The following BAIAP2L1 variants were observed in gnomAD, a reference collection of about 807,000 sequenced individuals.
The protein encoded by BAIAP2L1 is BAR/IMD domain-containing adapter protein 2-like 1.
In BAIAP2L1, 35 loss-of-function variants were observed where a neutral mutation model predicts 66.3. That is an observed-to-expected ratio of 0.53 (90% CI 0.40 to 0.70). The LOEUF (loss-of-function observed/expected upper bound fraction) is 0.70, where lower values mean the gene tolerates loss of function less well. Among genes scored for constraint, BAIAP2L1 ranks in the 30% least tolerant of loss-of-function variants. BAIAP2L1 has a pLI of 0.00. For missense variants in BAIAP2L1, 622 were observed against 656.9 expected (o/e 0.95, Z 0.58); for synonymous variants, 269 against 248.7 (o/e 1.08, Z -0.77).
intron 12 of BAIAP2L1, among the ~76,000 whole-genome samples, chr7:98,302,261 G>A (rs1429947127): frequency 1.3e-5 from 2 of 152,142 alleles, no homozygotes; most frequent in Non-Finnish European, 2.9e-5. Context: ...CGATAAATAC[G>A]CTGACAATGA....
rs192646621 is a variant in BAIAP2L1 at position 98,365,608 on chromosome 7, G to C, written c.52-3176C>G. On this transcript the variant is annotated intron_variant, in intron 1 of 13. Transcript: ENST00000005260. ...GCCCCAACCTCCCAAGTAGCTGCGG[G>C]GGGTGGATCACAGGCATGCGCCACC... 5.8e-3 allele frequency among the ~76,000 whole-genome samples: 885 copies of C among 152,130 alleles called. 10 individuals are homozygous for C. Among genetic ancestry groups the C allele is most frequent in the African/African-American group, 0.02 (840 of 41,508 alleles).
intron 3 of BAIAP2L1, among the ~76,000 whole-genome samples, chr7:98,346,731 G>A (rs1285858133): frequency 6.6e-6 from 1 of 152,166 alleles, no homozygotes; most frequent in African/African-American, 2.4e-5. Context: ...TAACCCAGGC[G>A]ATGTTACAAA....
rs543712613 is a variant in BAIAP2L1, at chr7:98,325,898, G to A, written c.215-5600C>T. Among the ~76,000 whole-genome samples, 4 of 152,306 alleles carry A rather than the reference G, an allele frequency of 2.6e-5. No individual in the cohort carries two copies. In the Middle Eastern group the frequency reaches 0.01, roughly 389 times the overall value. ...CGGAGGCAGATGAGCAACCACAAAC[G>A]TGATCAAATTTGAAAGGCTCGGTCA... On this transcript the variant is annotated intron_variant, in intron 3 of 13. Transcript: ENST00000005260.
chr7:98,311,945 T>C, intron 8 of BAIAP2L1, 152 bp downstream of exon 8: 2 of 735,084 alleles, frequency 2.7e-6, no homozygotes, highest in Non-Finnish European at 4.4e-6. Context: ...CCCAGCTACC[T>C]TCGCCCCTAA....
rs146414832 is a variant in BAIAP2L1 at position 98,373,415 on chromosome 7, G to A, written c.52-10983C>T. The stretch of plus-strand genomic sequence containing the variant: ...TTGGTCTATATTAGCTATTATATTA[G>A]CTATCTTGCATTATGTATTAGTTTG... On this transcript the variant is annotated intron_variant, in intron 1 of 13. Transcript: ENST00000005260. Among the ~76,000 whole-genome samples, 702 of 152,264 alleles carry A rather than the reference G, an allele frequency of 4.6e-3. 11 individuals are homozygous for A. The highest frequency in any genetic ancestry group is 0.016 in the African/African-American group (662 of 41,562).
In BAIAP2L1 at chr7:98,347,154, T is replaced by C. The variant is rs546249618; in HGVS notation, c.214+7888A>G. Among the ~76,000 whole-genome samples, 4 of 127,990 alleles carry C rather than the reference T, an allele frequency of 3.1e-5. No individual in the cohort carries two copies. In the South Asian group the frequency reaches 1.2e-3, roughly 37 times the overall value. 84.0% of individuals were successfully genotyped at this position (127,990 alleles called of 152,430 possible). On this transcript the variant is annotated intron_variant, in intron 3 of 13. Transcript: ENST00000005260. ...GCAATTTGCTAAAGCATAGAAAAGA[T>C]GCTCGCCCTATCCTAAGCCATGAGA... is the stretch of plus-strand genomic sequence containing the variant.
intron 1 of BAIAP2L1, among the ~76,000 whole-genome samples, chr7:98,366,512 T>A (rs1249980490): frequency 1.3e-5 from 2 of 152,220 alleles, no homozygotes; most frequent in African/African-American, 2.4e-5. Flanking sequence ...CACTGAGCAC[T>A]CTCTGTCCAT....
intron 3 of BAIAP2L1, among the ~76,000 whole-genome samples, chr7:98,329,457 C>A (rs1458553652): frequency 1.3e-5 from 2 of 152,162 alleles, no homozygotes; most frequent in Non-Finnish European, 2.9e-5. Flanking sequence ...CCCACACTTT[C>A]ATGAGTTTTA....
At chr7:98,311,992 A>G in intron 8 of BAIAP2L1, 105 bp downstream of exon 8, 1 of 1,181,528 alleles carries the variant, frequency 8.5e-7, no homozygotes, top group Non-Finnish European at 1.2e-6. Context: ...GTGGTCCTGG[A>G]AGTAATAAAG....
intron 3 of BAIAP2L1, among the ~76,000 whole-genome samples, chr7:98,349,423 C>T (rs571170746): frequency 6.6e-6 from 1 of 152,320 alleles, no homozygotes; most frequent in African/African-American, 2.4e-5. Context: ...GCCCACGCTA[C>T]GCCTCTGTGA....
Position 98,307,469 on chromosome 7 carries a change from C to G in BAIAP2L1, c.1163+220G>C, listed in dbSNP as rs190815506. ...CTACTTTCAGACAGGTGACTTCATA[C>G]GCTCTAATAACTATGCATGCACCAA... On this transcript the variant is annotated intron_variant, in intron 10 of 13. Transcript: ENST00000005260. 45 of 1,410,130 alleles carry G rather than the reference C, an allele frequency of 3.2e-5. No homozygotes were observed. The East Asian group carries it at 1.1e-3, about 35-fold the overall frequency. The allele number at this position is 1,410,130 out of a possible 1,614,324, so 87.4% of individuals were successfully genotyped here.
At chr7:98,391,207 CA>C (rs1210938496) in intron 1 of BAIAP2L1, among the ~76,000 whole-genome samples, 3 of 152,068 alleles carry the variant, frequency 2.0e-5, no homozygotes, top group Non-Finnish European at 4.4e-5. Context: ...CTCAAAAGCA[CA>C]AGCACTCTAG....
chr7:98,332,275 C>A (rs1375142884), intron 3 of BAIAP2L1, among the ~76,000 whole-genome samples: 3 of 144,290 alleles, frequency 2.1e-5, no homozygotes, highest in African/African-American at 7.7e-5. Context: ...CCCAGCTACT[C>A]GGGAGGCTGA....
chr7:98,334,529 A>G (rs1801568763), intron 3 of BAIAP2L1, among the ~76,000 whole-genome samples: 1 of 152,074 alleles, frequency 6.6e-6, no homozygotes, highest in South Asian at 2.1e-4. Context: ...GGCACACAAA[A>G]TAACGAGGCT....
chr7:98,384,728 C>T (rs1011660083), intron 1 of BAIAP2L1, among the ~76,000 whole-genome samples: 16 of 123,888 alleles, frequency 1.3e-4, no homozygotes, highest in Admixed American at 6.6e-4. Context: ...GATGGAGTCT[C>T]GCTCTGTTGC....
At chr7:98,392,194 C>T (rs1238769376) in intron 1 of BAIAP2L1, among the ~76,000 whole-genome samples, 1 of 143,942 alleles carries the variant, frequency 6.9e-6, no homozygotes, top group East Asian at 2.0e-4. Context: ...AAAAGTCTAC[C>T]TTAGCTGGGT....
chr7:98,400,998 G>A lies in BAIAP2L1; in HGVS notation c.-146C>T. Reference sequence around the variant, plus strand: ...CAGCCGTCGGCCCGAGAGTGCCCGCGCGCGTCTCCGCTGCGAAAATGTCAA... The same window carrying A: ...CAGCCGTCGGCCCGAGAGTGCCCGCACGCGTCTCCGCTGCGAAAATGTCAA... On this transcript the variant is annotated 5_prime_UTR_variant, in exon 1 of 14. Transcript: ENST00000005260. The A allele has an allele frequency of 1.7e-6, 1 of 586,230 alleles. No homozygotes were observed. The highest frequency in any genetic ancestry group is 2.6e-6 in the Non-Finnish European group (1 of 391,184). The allele number at this position is 586,230 out of a possible 1,614,324, so 36.3% of individuals were successfully genotyped here. A position where few individuals can be genotyped will look rare whatever the true frequency, so the allele number is the denominator to read the frequency against.
In BAIAP2L1 at chr7:98,292,602, T is replaced by C. The variant is rs1584404707; in HGVS notation, c.*919A>G. ...ACCATAGGGCCAGGTTCCGAGGGCA[T>C]CATGGCTGCTAGGCTGAAAAACCCG... On this transcript the variant is annotated 3_prime_UTR_variant, in exon 14 of 14. Coordinates refer to ENST00000005260, the MANE Select transcript of BAIAP2L1 (RefSeq NM_018842.5). The C allele has an allele frequency of 3.9e-6, 6 of 1,545,806 alleles. No homozygotes were observed. The highest frequency in any genetic ancestry group is 4.4e-6 in the Non-Finnish European group (5 of 1,141,726).
intron 12 of BAIAP2L1, among the ~76,000 whole-genome samples, chr7:98,298,387 C>T (rs757185544): frequency 9.2e-5 from 14 of 152,192 alleles, no homozygotes; most frequent in African/African-American, 7.2e-5. Context: ...CCGAGGCAGA[C>T]GGATCACAAG....
Sources: allele counts gnomAD v4.1 joint callset (sites outside exome capture counted in the v4.1 genomes callset), GRCh38; gene constraint gnomAD v4.1.1; transcripts MANE v1.5; gene names NCBI Gene and HGNC (gene_info 2026-07-23, HGNC 2026-07-21).